Variants in HGD observed in about 807,000 individuals in gnomAD.
HGD encodes the protein homogentisate 1,2-dioxygenase.
In HGD, 61 loss-of-function variants were observed where a neutral mutation model predicts 60.8. That is an observed-to-expected ratio of 1.00 (90% CI 0.82 to 1.24). HGD has a LOEUF of 1.24. Among genes scored for constraint, HGD ranks in the 50% most tolerant of loss-of-function variants. The pLI is 0.00. For synonymous variants in HGD, 212 were observed against 187.7 expected (o/e 1.13, Z -1.06); for missense variants, 542 against 547.1 (o/e 0.99, Z 0.09).
In HGD at chr3:120,682,135, G is replaced by A; in HGVS notation, c.-24C>T. On this transcript the variant is annotated 5_prime_UTR_variant, in exon 1 of 14. Transcript: ENST00000283871. ...ATTTTCTCTCTCCTCTATGTGTGGTGACTTCAGGAAACCCAGGCCCAGAGG... is the reference window on the plus strand; with the variant it reads ...ATTTTCTCTCTCCTCTATGTGTGGTAACTTCAGGAAACCCAGGCCCAGAGG... 6.2e-7 allele frequency: 1 copy of A among 1,612,960 alleles called. No individual in the cohort carries two copies. Among genetic ancestry groups the A allele is most frequent in the Non-Finnish European group, 8.5e-7 (1 of 1,179,048 alleles).
chr3:120,675,893 A>G, intron 1 of HGD, 30 bp from the exon 2 acceptor site: 1 of 1,548,574 alleles, frequency 6.5e-7, no homozygotes, highest in Non-Finnish European at 8.9e-7. Flanking sequence ...AAATGCCACC[A>G]TTAGCAGGAT....
intron 1 of HGD, 102 bp from the exon 2 acceptor site, chr3:120,675,965 T>C: frequency 1.2e-6 from 1 of 822,030 alleles, no homozygotes; most frequent in Non-Finnish European, 2.2e-6. Flanking sequence ...TGGACCTATG[T>C]TTGTGTATGA....
At chr3:120,659,581 A>C (rs1220550230) in intron 4 of HGD, among the ~76,000 whole-genome samples, 1 of 152,182 alleles carries the variant, frequency 6.6e-6, no homozygotes, top group African/African-American at 2.4e-5. Context: ...CAATTTAACA[A>C]GTCTCTAGGA....
chr3:120,676,892 G>A (rs1242499125), intron 1 of HGD, among the ~76,000 whole-genome samples: 1 of 152,202 alleles, frequency 6.6e-6, no homozygotes, highest in East Asian at 1.9e-4. Flanking sequence ...CAAACGGAGG[G>A]ATCAGCTGAA....
rs758567130 is a variant in HGD at position 120,641,661 on chromosome 3, G to A, written c.807C>T (p.His269=). The A allele has an allele frequency of 3.2e-5, 51 of 1,613,590 alleles. No individual in the cohort carries two copies. The highest frequency in any genetic ancestry group is 1.8e-4 in the East Asian group (8 of 44,880). Residue 269 remains histidine, a synonymous_variant, in exon 11 of 14, where the codon CAC becomes CAT. Coordinates refer to ENST00000283871, the MANE Select transcript of HGD (RefSeq NM_000187.4). ...TGTACTTGTAGGGTGTATAATTCCC[G>A]TGCCAGGCCACAACATTGAACGGGG... ...DVSPFNVVAW[H]GNYTPYKYNL...
intron 9 of HGD, among the ~76,000 whole-genome samples, chr3:120,645,248 A>T (rs759007818): frequency 2.0e-5 from 3 of 152,176 alleles, no homozygotes; most frequent in Non-Finnish European, 4.4e-5. Context: ...GAGTGGGAAG[A>T]GTGGGAGGTG....
chr3:120,656,352 T>C (rs1941493891), intron 4 of HGD, among the ~76,000 whole-genome samples: 1 of 152,226 alleles, frequency 6.6e-6, no homozygotes, highest in African/African-American at 2.4e-5. Flanking sequence ...TTATTTTATT[T>C]ATACTATATG....
chr3:120,648,022 T>C (rs1054706446), intron 6 of HGD, 111 bp from the exon 7 acceptor site: 1 of 904,580 alleles, frequency 1.1e-6, no homozygotes, highest in African/African-American at 1.6e-5. Flanking sequence ...CAGAGCTGGG[T>C]ATAAAATGGG....
At chr3:120,664,227 G>C (rs1220695130) in intron 4 of HGD, among the ~76,000 whole-genome samples, 1 of 152,110 alleles carries the variant, frequency 6.6e-6, no homozygotes, top group Non-Finnish European at 1.5e-5. Context: ...GAAGAGCTTG[G>C]GGAAGGTGAG....
intron 13 of HGD, among the ~76,000 whole-genome samples, chr3:120,629,045 G>A (rs1940503262): frequency 6.6e-6 from 1 of 152,300 alleles, no homozygotes; most frequent in South Asian, 2.1e-4. Context: ...ACCAAGAGAT[G>A]GGCTGGGAAA....
chr3:120,633,057 T>A lies in HGD; in HGVS notation c.1188+90A>T, dbSNP rs909459440. On this transcript the variant is annotated intron_variant, in intron 13 of 13. Transcript: ENST00000283871. ...ACTCTCCCTCTTTTGACTCTTCCTC[T>A]GTGACTTTGGAGAAATGAAAAACGG... 4.3e-5 allele frequency: 50 copies of A among 1,156,252 alleles called. 1 individual carries two copies. The Admixed American group carries it at 8.9e-4, about 20-fold the overall frequency. 71.6% of individuals were successfully genotyped at this position (1,156,252 alleles called of 1,614,324 possible). A position where few individuals can be genotyped will look rare whatever the true frequency, so the allele number is the denominator to read the frequency against.
chr3:120,630,411 T>C (rs1476387931), intron 13 of HGD, among the ~76,000 whole-genome samples: 1 of 151,992 alleles, frequency 6.6e-6, no homozygotes, highest in Non-Finnish European at 1.5e-5. Flanking sequence ...AGTGTGGTAA[T>C]GATACAGAAA....
At chr3:120,674,249 A>G (rs1576318148) in intron 3 of HGD, among the ~76,000 whole-genome samples, 1 of 152,320 alleles carries the variant, frequency 6.6e-6, no homozygotes. Flanking sequence ...TCCCAAAACT[A>G]TAACACATAC....
intron 8 of HGD, 140 bp from the exon 9 acceptor site, chr3:120,646,506 A>G: frequency 1.5e-6 from 1 of 666,646 alleles, no homozygotes; most frequent in East Asian, 2.6e-5. Flanking sequence ...ACCAGAGCAA[A>G]CATGAAAAAC....
At chr3:120,629,934 T>C (rs552228337) in intron 13 of HGD, among the ~76,000 whole-genome samples, 140 of 152,272 alleles carry the variant, frequency 9.2e-4, no homozygotes, top group Non-Finnish European at 1.8e-3. Context: ...AAGTTCATGA[T>C]ACAAAATCAA....
chr3:120,674,991 T>G lies in HGD; in HGVS notation c.88-2A>C. ...GTAGGGGCAGACCTGAGGATTATTC[T>G]GAAACAAAGGATGCAATAAACAATA... On this transcript the variant is annotated splice_acceptor_variant, in intron 2 of 13. Coordinates refer to ENST00000283871, the MANE Select transcript of HGD (RefSeq NM_000187.4). LOFTEE classifies it high-confidence loss of function. 6.2e-7 allele frequency: 1 copy of G among 1,604,202 alleles called. No individual in the cohort carries two copies. The highest frequency in any genetic ancestry group is 8.5e-7 in the Non-Finnish European group (1 of 1,171,464).
chr3:120,674,224 A>T (rs1426124317), intron 3 of HGD, among the ~76,000 whole-genome samples: 1 of 152,170 alleles, frequency 6.6e-6, no homozygotes, highest in Non-Finnish European at 1.5e-5. Flanking sequence ...TGTTTAAATC[A>T]TAACACTTAC....
At chr3:120,663,773 T>C (rs1707832200) in intron 4 of HGD, among the ~76,000 whole-genome samples, 1 of 42,244 alleles carries the variant, frequency 2.4e-5, no homozygotes, top group Non-Finnish European at 7.4e-5. Context: ...CTCACAATAT[T>C]AGGAATTTTT....
At chr3:120,636,116 C>CAAAAAAAAAA (rs34434001) in intron 12 of HGD, among the ~76,000 whole-genome samples, 1 of 113,232 alleles carries the variant, frequency 8.8e-6, no homozygotes. Context: ...ACTAACAATA[C>CAAAAAAAAAA]AAAAAAAAAA....
Sources: allele counts gnomAD v4.1 joint callset (sites outside exome capture counted in the v4.1 genomes callset), GRCh38; gene constraint gnomAD v4.1.1; transcripts MANE v1.5; gene names NCBI Gene and HGNC (gene_info 2026-07-23, HGNC 2026-07-21).